Variants in CDH12 observed in about 807,000 individuals in gnomAD.
The protein encoded by CDH12 is cadherin-12.
CDH12 carries 41 observed loss-of-function variants against 74.1 expected under a neutral mutation model. The ratio of observed to expected loss-of-function variants is 0.55; its 90% CI spans 0.43 to 0.72. The LOEUF (loss-of-function observed/expected upper bound fraction) is 0.72. Among genes scored for constraint, CDH12 ranks in the 30% least tolerant of loss-of-function variants. The pLI, the probability that CDH12 is intolerant of heterozygous loss-of-function variation, is 0.00. For missense variants in CDH12, 945 were observed against 977.2 expected (o/e 0.97, Z 0.44); for synonymous variants, 399 against 355.0 (o/e 1.12, Z -1.39).
At chr5:22,126,870 G>T (rs1201459066) in intron 4 of CDH12, among the ~76,000 whole-genome samples, 1 of 152,034 alleles carries the variant, frequency 6.6e-6, no homozygotes, top group African/African-American at 2.4e-5. Context: ...CATCCCCAAT[G>T]GCGTATAAAA....
intron 8 of CDH12, among the ~76,000 whole-genome samples, chr5:21,825,013 G>T (rs1319784185): frequency 2.6e-5 from 4 of 151,950 alleles, no homozygotes; most frequent in African/African-American, 9.7e-5. Flanking sequence ...AATTAGCCGG[G>T]TGTGGTAGTG....
intron 9 of CDH12, among the ~76,000 whole-genome samples, chr5:21,807,574 G>C (rs907298810): frequency 2.6e-5 from 4 of 152,064 alleles, no homozygotes; most frequent in African/African-American, 9.7e-5. Flanking sequence ...CAATTTTTTG[G>C]CATAAATTAT....
At chr5:22,081,006 C>T (rs977479304) in intron 4 of CDH12, among the ~76,000 whole-genome samples, 5 of 152,042 alleles carry the variant, frequency 3.3e-5, no homozygotes, top group African/African-American at 1.2e-4. Context: ...ATCTCGATCT[C>T]CTGACCTCAT....
intron 1 of CDH12, among the ~76,000 whole-genome samples, chr5:22,575,772 C>A (rs1561501860): frequency 6.6e-6 from 1 of 152,036 alleles, no homozygotes; most frequent in Non-Finnish European, 1.5e-5. Flanking sequence ...ATCATTTTGG[C>A]CAGACTGGTC....
intron 1 of CDH12, among the ~76,000 whole-genome samples, chr5:22,672,079 TATAA>T (rs200627676): frequency 0.07 from 9,575 of 137,714 alleles, 534 homozygotes; most frequent in East Asian, 0.15. Context: ...TTATATATAA[TATAA>T]ATAATTATAT....
At chr5:22,303,105 A>T (rs1355815311) in intron 3 of CDH12, among the ~76,000 whole-genome samples, 2 of 152,160 alleles carry the variant, frequency 1.3e-5, no homozygotes, top group African/African-American at 4.8e-5. Context: ...AATTACAAAC[A>T]TGAAGATAGT....
intron 5 of CDH12, among the ~76,000 whole-genome samples, chr5:22,042,904 A>T (rs2150185019): frequency 6.6e-6 from 1 of 151,624 alleles, no homozygotes; most frequent in East Asian, 1.9e-4. Context: ...AAAAAAAAAA[A>T]AAAAAAAATT....
At chr5:22,412,238 G>A (rs555709060) in intron 2 of CDH12, among the ~76,000 whole-genome samples, 7 of 151,828 alleles carry the variant, frequency 4.6e-5, no homozygotes, top group African/African-American at 9.7e-5. Context: ...GTTTTAAGAC[G>A]AATGCCAATC....
At chr5:22,050,756 T>C (rs565665482) in intron 5 of CDH12, among the ~76,000 whole-genome samples, 1 of 152,278 alleles carries the variant, frequency 6.6e-6, no homozygotes, top group East Asian at 1.9e-4. Context: ...ATACTTGGTA[T>C]TTCATGGAGA....
At chr5:22,581,673 A>T (rs1378414117) in intron 1 of CDH12, among the ~76,000 whole-genome samples, 1 of 152,164 alleles carries the variant, frequency 6.6e-6, no homozygotes, top group African/African-American at 2.4e-5. Context: ...CACCAGAATA[A>T]AAGATCCACT....
chr5:21,973,057 A>G (rs1459624033), intron 6 of CDH12, among the ~76,000 whole-genome samples: 29 of 150,066 alleles, frequency 1.9e-4, no homozygotes, highest in African/African-American at 6.9e-4. Flanking sequence ...TAAAAAAAAA[A>G]AAAAAAAAAT....
intron 1 of CDH12, among the ~76,000 whole-genome samples, chr5:22,810,331 G>C (rs959945836): frequency 6.6e-6 from 1 of 152,188 alleles, no homozygotes; most frequent in Admixed American, 6.6e-5. Context: ...ACAATAGGAA[G>C]TTTAAGGGCA....
chr5:21,960,701 A>G (rs1422648596), intron 6 of CDH12, among the ~76,000 whole-genome samples: 1 of 151,984 alleles, frequency 6.6e-6, no homozygotes, highest in Non-Finnish European at 1.5e-5. Flanking sequence ...AATGACTTAT[A>G]CACACACATA....
intron 1 of CDH12, among the ~76,000 whole-genome samples, chr5:22,836,592 C>G (rs1330391806): frequency 6.6e-6 from 1 of 151,892 alleles, no homozygotes; most frequent in Non-Finnish European, 1.5e-5. Context: ...ATAACATGGA[C>G]AAAATTTTAT....
chr5:22,483,772 T>A (rs1746481990), intron 2 of CDH12, among the ~76,000 whole-genome samples: 15 of 11,648 alleles, frequency 1.3e-3, no homozygotes, highest in Admixed American at 2.8e-3. Context: ...ATAAATTTAA[T>A]TAATTGGGCA....
intron 4 of CDH12, among the ~76,000 whole-genome samples, chr5:22,097,986 T>C (rs1012218998): frequency 2.6e-5 from 4 of 152,222 alleles, no homozygotes; most frequent in Non-Finnish European, 5.9e-5. Flanking sequence ...CTGTGCCTTA[T>C]CAACCAAATT....
rs549054146 is a variant in CDH12 at position 21,908,067 on chromosome 5, T to C, written c.527-53277A>G. 8.5e-4 allele frequency among the ~76,000 whole-genome samples: 129 copies of C among 152,262 alleles called. 1 individual carries two copies. Among genetic ancestry groups the C allele is most frequent in the Non-Finnish European group, 1.5e-3 (104 of 68,014 alleles). ...TGTGCCGCTCTGATGGTGGCCTTTATGGTATTTAGGTTGAGGAAAGGTAGT... is the reference window on the plus strand; with the variant it reads ...TGTGCCGCTCTGATGGTGGCCTTTACGGTATTTAGGTTGAGGAAAGGTAGT... On this transcript the variant is annotated intron_variant, in intron 6 of 14. Transcript: ENST00000382254.
chr5:22,424,569 T>C (rs1743810723), intron 2 of CDH12, among the ~76,000 whole-genome samples: 1 of 152,212 alleles, frequency 6.6e-6, no homozygotes, highest in Non-Finnish European at 1.5e-5. Flanking sequence ...TCCATAAATA[T>C]TTGTTTTTAA....
At chr5:22,730,900 C>A (rs1444981487) in intron 1 of CDH12, among the ~76,000 whole-genome samples, 1 of 151,660 alleles carries the variant, frequency 6.6e-6, no homozygotes, top group Non-Finnish European at 1.5e-5. Flanking sequence ...GAAATAGCAA[C>A]CATTAGAAAT....
Sources: gnomAD v4.1 joint callset for allele counts (sites outside exome capture counted in the v4.1 genomes callset) on GRCh38, gnomAD v4.1.1 for gene constraint, MANE v1.5 for transcripts, NCBI Gene and HGNC (gene_info 2026-07-23, HGNC 2026-07-21) for gene names.